Variants in SNX29 observed in about 807,000 individuals in gnomAD.
SNX29 encodes sorting nexin 29.
A neutral mutation model predicts 102.1 loss-of-function variants in SNX29; 78 were observed. The observed-to-expected ratio is 0.76, with a 90% CI of 0.64 to 0.92. The LOEUF is 0.92. Ranked by LOEUF, SNX29 falls within the 40% of genes least tolerant of loss-of-function variation. The pLI is 0.00. For synonymous variants in SNX29, 580 were observed against 414.5 expected, an observed-to-expected ratio of 1.40 and a Z score of -4.85; for missense variants, 1,280 against 1,061.7, an observed-to-expected ratio of 1.21 and a Z score of -2.86.
intron 14 of SNX29, among the ~76,000 whole-genome samples, chr16:12,262,614 A>G (rs955949668): frequency 2.0e-5 from 3 of 152,226 alleles, no homozygotes; most frequent in African/African-American, 7.2e-5. Context: ...AGGTAGCAAC[A>G]CGGCAAGCTG....
intron 13 of SNX29, among the ~76,000 whole-genome samples, chr16:12,145,007 C>T (rs761063462): frequency 6.6e-6 from 1 of 152,220 alleles, no homozygotes; most frequent in Non-Finnish European, 1.5e-5. Flanking sequence ...AGGCGTGAGC[C>T]GCTGCGCCCG....
intron 6 of SNX29, 115 bp from the exon 7 acceptor site, chr16:12,048,257 A>G (rs770908787): frequency 2.0e-6 from 3 of 1,483,804 alleles, no homozygotes; most frequent in Admixed American, 1.7e-5. Flanking sequence ...TTTTATACCT[A>G]TTTAAGATCA....
intron 13 of SNX29, among the ~76,000 whole-genome samples, chr16:12,162,900 T>C (rs949749749): frequency 2.6e-5 from 4 of 152,170 alleles, no homozygotes; most frequent in African/African-American, 9.7e-5. Flanking sequence ...TCTTTTTTTT[T>C]TGAGACAGTC....
At chr16:12,530,682 A>T (rs536226777) in intron 20 of SNX29, among the ~76,000 whole-genome samples, 97 of 151,936 alleles carry the variant, frequency 6.4e-4, no homozygotes, top group African/African-American at 2.2e-3. Flanking sequence ...CAGCTTTCTG[A>T]GTAGCTGGAA....
intron 14 of SNX29, among the ~76,000 whole-genome samples, chr16:12,260,752 C>T (rs180844005): frequency 6.6e-6 from 1 of 151,370 alleles, no homozygotes; most frequent in East Asian, 1.9e-4. Context: ...ACGCCCCCAG[C>T]TGGAGTGAGT....
At chr16:12,265,444 A>T (rs1156873312) in intron 14 of SNX29, among the ~76,000 whole-genome samples, 1 of 152,140 alleles carries the variant, frequency 6.6e-6, no homozygotes, top group Non-Finnish European at 1.5e-5. Context: ...TGGAAGCGAG[A>T]CGCAGCTTCG....
intron 14 of SNX29, among the ~76,000 whole-genome samples, chr16:12,265,299 T>C (rs994030245): frequency 1.3e-5 from 2 of 152,156 alleles, no homozygotes; most frequent in Non-Finnish European, 2.9e-5. Context: ...AAAGTTTCCA[T>C]CGAAGCCTCT....
At chr16:12,197,101 G>A (rs1201999530) in intron 13 of SNX29, among the ~76,000 whole-genome samples, 1 of 152,230 alleles carries the variant, frequency 6.6e-6, no homozygotes, top group Non-Finnish European at 1.5e-5. Context: ...ACACTGACAT[G>A]ACTTCTGTTG....
chr16:12,397,549 C>G (rs2083765127), intron 16 of SNX29, among the ~76,000 whole-genome samples: 1 of 152,066 alleles, frequency 6.6e-6, no homozygotes, highest in African/African-American at 2.4e-5. Context: ...ACTTCACTAC[C>G]CCTCACCCTT....
intron 15 of SNX29, among the ~76,000 whole-genome samples, chr16:12,343,711 AGGGCAGGGGCAG>A (rs141948500): frequency 2.0e-5 from 3 of 151,524 alleles, no homozygotes; most frequent in African/African-American, 4.9e-5. Flanking sequence ...GAGCTCTGTG[AGGGCAGGGGCAG>A]GGGCAGGGGC....
At chr16:12,146,935 G>T (rs866488186) in intron 13 of SNX29, among the ~76,000 whole-genome samples, 10 of 152,268 alleles carry the variant, frequency 6.6e-5, no homozygotes, top group South Asian at 4.1e-4. Context: ...AATATAAAAT[G>T]GTAGAGACAG....
intron 19 of SNX29, among the ~76,000 whole-genome samples, chr16:12,504,800 G>C (rs1179306396): frequency 6.6e-6 from 1 of 152,196 alleles, no homozygotes; most frequent in African/African-American, 2.4e-5. Flanking sequence ...ATAAGGTTTG[G>C]TGCTATCCAC....
chr16:12,137,727 T>C (rs182664019), intron 13 of SNX29, among the ~76,000 whole-genome samples: 2 of 152,350 alleles, frequency 1.3e-5, no homozygotes, highest in East Asian at 3.9e-4. Context: ...ATTTCTTCAG[T>C]GTCCATTCAA....
intron 19 of SNX29, among the ~76,000 whole-genome samples, chr16:12,516,075 A>G (rs1338066848): frequency 6.6e-6 from 1 of 152,134 alleles, no homozygotes; most frequent in Non-Finnish European, 1.5e-5. Flanking sequence ...ATTACCTTAC[A>G]TTAACCATAA....
chr16:12,536,228 A>G (rs1201792213), intron 20 of SNX29, among the ~76,000 whole-genome samples: 2 of 152,038 alleles, frequency 1.3e-5, no homozygotes, highest in Non-Finnish European at 2.9e-5. Flanking sequence ...ACAGGATTTC[A>G]TGTTTTTTTC....
intron 2 of SNX29, among the ~76,000 whole-genome samples, chr16:12,001,187 C>G (rs894382506): frequency 6.6e-6 from 1 of 152,010 alleles, no homozygotes; most frequent in African/African-American, 2.4e-5. Context: ...TCTCAGCTCA[C>G]TGCAACCTCT....
chr16:12,368,532 C>A (rs9932158), intron 16 of SNX29, among the ~76,000 whole-genome samples: 6,699 of 152,290 alleles, frequency 0.044, 286 homozygotes, highest in African/African-American at 0.11. Flanking sequence ...AAAATACAGT[C>A]CCTGCCTTTG....
intron 20 of SNX29, among the ~76,000 whole-genome samples, chr16:12,531,678 C>G (rs566518574): frequency 1.9e-4 from 29 of 152,246 alleles, no homozygotes; most frequent in Middle Eastern, 3.4e-3. Context: ...GGCTGAATAT[C>G]TGGGTGCAGA....
intron 18 of SNX29, among the ~76,000 whole-genome samples, chr16:12,469,297 CA>C (rs2087223730): frequency 6.6e-6 from 1 of 152,206 alleles, no homozygotes; most frequent in Non-Finnish European, 1.5e-5. Context: ...CATGGCCATA[CA>C]ATAATTCAGG....
Sources: allele counts gnomAD v4.1 joint callset (sites outside exome capture counted in the v4.1 genomes callset), GRCh38; gene constraint gnomAD v4.1.1; transcripts MANE v1.5; gene names NCBI Gene and HGNC (gene_info 2026-07-23, HGNC 2026-07-21).